Variants in FOXP1 observed in about 807,000 individuals in gnomAD.
FOXP1 encodes the protein forkhead box protein P1.
Under a neutral mutation model 98.2 loss-of-function variants are expected in FOXP1, and 15 were observed. The observed-to-expected ratio is 0.15, with a 90% CI of 0.10 to 0.24. FOXP1 has a LOEUF of 0.24. FOXP1 is among the 10% of genes least tolerant of loss of function. The pLI, the probability that FOXP1 is intolerant of heterozygous loss-of-function variation, is 1.00. For missense variants in FOXP1, 633 were observed against 848.5 expected, an observed-to-expected ratio of 0.75 and a Z score of 3.15; for synonymous variants, 371 against 314.5, an observed-to-expected ratio of 1.18 and a Z score of -1.90.
chr3:71,152,795 A>T (rs994140209), intron 6 of FOXP1, among the ~76,000 whole-genome samples: 1 of 152,234 alleles, frequency 6.6e-6, no homozygotes, highest in African/African-American at 2.4e-5. Flanking sequence ...ACTCACAGTG[A>T]TAGAAGTTAG....
chr3:71,058,336 G>A (rs1413677441), intron 7 of FOXP1, among the ~76,000 whole-genome samples: 2 of 151,978 alleles, frequency 1.3e-5, no homozygotes, highest in Non-Finnish European at 2.9e-5. Flanking sequence ...AAAAAGAGAA[G>A]ATAAAAAATG....
intron 4 of FOXP1, among the ~76,000 whole-genome samples, chr3:71,312,600 G>C (rs545186337): frequency 1.3e-5 from 2 of 152,214 alleles, no homozygotes; most frequent in Non-Finnish European, 2.9e-5. Context: ...GAGGCAGGAC[G>C]ATTGCTTGAG....
At chr3:71,345,562 T>A (rs996083020) in intron 4 of FOXP1, among the ~76,000 whole-genome samples, 1 of 152,088 alleles carries the variant, frequency 6.6e-6, no homozygotes, top group Non-Finnish European at 1.5e-5. Context: ...CATGAACATA[T>A]GTTTCCCTTA....
intron 2 of FOXP1, among the ~76,000 whole-genome samples, chr3:71,509,149 G>C (rs1398556435): frequency 6.6e-6 from 1 of 152,204 alleles, no homozygotes; most frequent in Non-Finnish European, 1.5e-5. Context: ...ATAGAGAATA[G>C]AGATGAAGCA....
At chr3:71,023,486 C>A (rs140743913) in intron 11 of FOXP1, among the ~76,000 whole-genome samples, 4 of 152,184 alleles carry the variant, frequency 2.6e-5, no homozygotes, top group Admixed American at 2.6e-4. Flanking sequence ...GCTACACTTA[C>A]GCTACAATGG....
chr3:71,402,249 G>A (rs753772294), intron 3 of FOXP1, among the ~76,000 whole-genome samples: 5 of 152,194 alleles, frequency 3.3e-5, no homozygotes, highest in East Asian at 3.9e-4. Context: ...GAGCACAGAA[G>A]TTTGAGACCA....
At chr3:71,237,085 A>T (rs929849599) in intron 5 of FOXP1, among the ~76,000 whole-genome samples, 1 of 150,746 alleles carries the variant, frequency 6.6e-6, no homozygotes, top group Non-Finnish European at 1.5e-5. Context: ...TACAAAAATT[A>T]GCCAGGCGTG....
At chr3:71,084,443 T>C (rs1422967594) in intron 7 of FOXP1, among the ~76,000 whole-genome samples, 1 of 152,142 alleles carries the variant, frequency 6.6e-6, no homozygotes, top group Non-Finnish European at 1.5e-5. Flanking sequence ...AATCTGATAG[T>C]TTATTTTTTG....
chr3:71,243,884 GC>G (rs2067501148), intron 5 of FOXP1, among the ~76,000 whole-genome samples: 1 of 152,012 alleles, frequency 6.6e-6, no homozygotes, highest in Non-Finnish European at 1.5e-5. Context: ...CTCCACCTTG[GC>G]TCCAACAGAG....
chr3:71,530,378 C>G (rs961909785), intron 2 of FOXP1, among the ~76,000 whole-genome samples: 3 of 152,060 alleles, frequency 2.0e-5, no homozygotes, highest in Admixed American at 2.0e-4. Context: ...AGGTGCAGCC[C>G]CTCAATCTTG....
intron 11 of FOXP1, among the ~76,000 whole-genome samples, chr3:71,016,027 A>G (rs1162462558): frequency 1.3e-5 from 2 of 152,174 alleles, no homozygotes; most frequent in African/African-American, 4.8e-5. Flanking sequence ...TTCTTGCTAC[A>G]TCTACAAGGA....
At position 71,346,741 on chromosome 3, in the gene FOXP1, T is replaced by C. The variant is rs116300400; in HGVS notation, c.-73+12409A>G. Among the ~76,000 whole-genome samples, 1,487 of 152,196 alleles carry C rather than the reference T, an allele frequency of 9.8e-3. 26 individuals carry two copies. Among genetic ancestry groups the C allele is most frequent in the African/African-American group, 0.034 (1,412 of 41,500 alleles). On this transcript the variant is annotated intron_variant, in intron 4 of 20. Transcript: ENST00000649528. ...TTTTCCAGAGGGTTCTCTTGCTCTA[T>C]TAGCAAGACTTTATATAATACACAT... is the stretch of plus-strand genomic sequence containing the variant.
chr3:71,476,786 G>T (rs2089887406), intron 3 of FOXP1, among the ~76,000 whole-genome samples: 1 of 151,968 alleles, frequency 6.6e-6, no homozygotes, highest in African/African-American at 2.4e-5. Context: ...TTACAGGTGT[G>T]AGCCACTGCG....
At chr3:71,549,145 T>C (rs531651336) in intron 2 of FOXP1, among the ~76,000 whole-genome samples, 8 of 152,326 alleles carry the variant, frequency 5.3e-5, no homozygotes, top group East Asian at 1.9e-4. Context: ...ATTAACTTAA[T>C]GAGACTTATG....
intron 19 of FOXP1, 137 bp downstream of exon 19, chr3:70,970,599 T>G: frequency 1.3e-6 from 1 of 792,946 alleles, no homozygotes; most frequent in Non-Finnish European, 2.2e-6. Flanking sequence ...CCAGGGAGTA[T>G]GATGCTTTGT....
At position 70,954,774 on chromosome 3, in the gene FOXP1, A is replaced by G; in HGVS notation, c.*4473T>C. ...GAGAATGCTTATAATGTCAGTAATT[A>G]GTACTGACTACACAACATTTTTTTT... is the stretch of plus-strand genomic sequence containing the variant. On this transcript the variant is annotated 3_prime_UTR_variant, in exon 21 of 21. Transcript: ENST00000649528. 8.7e-6 allele frequency: 2 copies of G among 231,062 alleles called. No individual in the cohort carries two copies. The highest frequency in any genetic ancestry group is 1.7e-5 in the Non-Finnish European group (2 of 116,662). The allele number at this position is 231,062 out of a possible 1,614,324, so 14.3% of individuals were successfully genotyped here. A position where few individuals can be genotyped will look rare whatever the true frequency, so the allele number is the denominator to read the frequency against.
chr3:71,421,676 G>A (rs1032024344), intron 3 of FOXP1, among the ~76,000 whole-genome samples: 2 of 152,142 alleles, frequency 1.3e-5, no homozygotes, highest in African/African-American at 4.8e-5. Context: ...CAGAGGGGCC[G>A]CTGGTCTCAG....
Position 70,970,967 on chromosome 3 carries a change from G to A in FOXP1, c.1653-162C>T. On this transcript the variant is annotated intron_variant, in intron 18 of 20. Coordinates refer to ENST00000649528, the MANE Select transcript of FOXP1 (RefSeq NM_001349338.3). ...CTTTCTCCCCGTCACTGATTTGCAG[G>A]GCGGGTGTGTGTGCACACCTCTGGG... 2 of 670,480 alleles carry A rather than the reference G, an allele frequency of 3.0e-6. 1 individual carries two copies. The highest frequency in any genetic ancestry group is 5.4e-6 in the Non-Finnish European group (2 of 368,984). The allele number at this position is 670,480 out of a possible 1,614,324, so 41.5% of individuals were successfully genotyped here.
intron 9 of FOXP1, among the ~76,000 whole-genome samples, 171 bp from the exon 10 acceptor site, chr3:71,047,266 G>A (rs924696040): frequency 6.6e-6 from 1 of 152,210 alleles, no homozygotes; most frequent in Non-Finnish European, 1.5e-5. Flanking sequence ...CTCTGAGGAG[G>A]GGTGGGGAGA....
Sources: gnomAD v4.1 joint callset for allele counts (sites outside exome capture counted in the v4.1 genomes callset) on GRCh38, gnomAD v4.1.1 for gene constraint, MANE v1.5 for transcripts, NCBI Gene and HGNC (gene_info 2026-07-23, HGNC 2026-07-21) for gene names.